The following RANBP2 variants were observed in gnomAD, a reference collection of about 807,000 sequenced individuals.
RANBP2 encodes the protein RAN binding protein 2.
A neutral mutation model predicts 303.6 loss-of-function variants in RANBP2; 57 were observed. The observed-to-expected ratio is 0.19, with a 90% CI of 0.15 to 0.23. The LOEUF (loss-of-function observed/expected upper bound fraction) is 0.23, where lower values mean the gene tolerates loss of function less well. Among genes scored for constraint, RANBP2 ranks in the 10% least tolerant of loss-of-function variants. The pLI, the probability that RANBP2 is intolerant of heterozygous loss-of-function variation, is 1.00. For missense variants in RANBP2, 3,138 were observed against 3,780.8 expected, an observed-to-expected ratio of 0.83 and a Z score of 4.46; for synonymous variants, 1,167 against 1,301.5, an observed-to-expected ratio of 0.90 and a Z score of 2.23.
At chr2:109,326,359 C>CT in the RANBP2 span, among the ~76,000 whole-genome samples, 15 of 150,808 alleles carry the variant, frequency 9.9e-5, no homozygotes, top group South Asian at 8.4e-4. Context: ...TGTTGTTGTT[C>CT]TTTTTTTTTA....
At chr2:109,644,568 A>G in the RANBP2 span, among the ~76,000 whole-genome samples, 1 of 152,332 alleles carries the variant, frequency 6.6e-6, no homozygotes, top group South Asian at 2.1e-4. Flanking sequence ...TGTCTGCAAA[A>G]TAGCTCCAAG....
the RANBP2 span, among the ~76,000 whole-genome samples, chr2:109,468,746 C>G: frequency 3.3e-5 from 5 of 149,892 alleles, no homozygotes; most frequent in Non-Finnish European, 7.4e-5. Flanking sequence ...CCCAGCTACT[C>G]AGGAGGCTGA....
the RANBP2 span, among the ~76,000 whole-genome samples, chr2:109,508,917 C>T: frequency 1.4e-4 from 21 of 152,332 alleles, no homozygotes; most frequent in African/African-American, 4.1e-4. Context: ...GCTACAAGCC[C>T]GGGACGGGGG....
chr2:109,486,894 G>A, the RANBP2 span, among the ~76,000 whole-genome samples: 1 of 152,208 alleles, frequency 6.6e-6, no homozygotes, highest in Non-Finnish European at 1.5e-5. Flanking sequence ...ATGTTTCAGA[G>A]CAAACGAGAC....
the RANBP2 span, among the ~76,000 whole-genome samples, chr2:108,798,816 TACACACACACACACACAC>T: frequency 3.8e-5 from 5 of 131,640 alleles, no homozygotes; most frequent in African/African-American, 1.1e-4. Flanking sequence ...TCTCCACACC[TACACACACACACACACAC>T]ACACACACAC....
At chr2:109,542,356 G>A in the RANBP2 span, among the ~76,000 whole-genome samples, 4 of 152,134 alleles carry the variant, frequency 2.6e-5, no homozygotes, top group Non-Finnish European at 4.4e-5. Context: ...AGTACAAAAC[G>A]ACCGCCCTGC....
chr2:109,170,279 CTTCTCTTCTCTTCTCT>C, the RANBP2 span, among the ~76,000 whole-genome samples: 1 of 124,886 alleles, frequency 8.0e-6, no homozygotes, highest in Non-Finnish European at 1.7e-5. Flanking sequence ...CTTCTCTTCT[CTTCTCTTCTCTTCTCT>C]TCTCTTCTCT....
intron 25 of RANBP2, among the ~76,000 whole-genome samples, chr2:108,779,290 T>TAG (rs1375277139): frequency 6.6e-6 from 1 of 152,108 alleles, no homozygotes; most frequent in Non-Finnish European, 1.5e-5. Flanking sequence ...GCCTCCTGAG[T>TAG]AGCTGGGATT....
At chr2:109,271,817 A>G in the RANBP2 span, among the ~76,000 whole-genome samples, 1 of 152,254 alleles carries the variant, frequency 6.6e-6, no homozygotes, top group Non-Finnish European at 1.5e-5. Flanking sequence ...AAAATGCTGT[A>G]CAAATCTGAA....
At chr2:108,973,659 G>A in the RANBP2 span, among the ~76,000 whole-genome samples, 1 of 152,190 alleles carries the variant, frequency 6.6e-6, no homozygotes, top group African/African-American at 2.4e-5. Context: ...CAGGGGTCGT[G>A]TGTCCTAGAA....
At chr2:109,490,981 C>T in the RANBP2 span, 2 of 1,401,614 alleles carry the variant, frequency 1.4e-6, no homozygotes, top group African/African-American at 2.9e-5. Context: ...TGTGGTTTGG[C>T]CTCTGAGGTC....
chr2:109,333,758 C>T, the RANBP2 span, among the ~76,000 whole-genome samples: 1 of 152,154 alleles, frequency 6.6e-6, no homozygotes, highest in East Asian at 1.9e-4. Flanking sequence ...GCAGCATGAC[C>T]TTGAACATGT....
rs753871694 is a variant in RANBP2, at chr2:108,768,139, G to T, written c.7600G>T (p.Ala2534Ser). The T allele has an allele frequency of 1.9e-6, 3 of 1,611,908 alleles. No homozygotes were observed. The highest frequency in any genetic ancestry group is 2.2e-4 in the Middle Eastern group (1 of 4,452). ...IFSSEKSKPF[A>S]FGNSSATGSL... ...TAGTAGTGAAAAATCAAAACCATTT[G>T]CATTCGGCAACAGTTCAGCCACTGG... The change falls in exon 20 of 29, where the codon GCA (alanine) becomes TCA (serine). Residue 2534 changes from alanine to serine, a missense_variant. Transcript: ENST00000283195.
intron 22 of RANBP2, 141 bp from the exon 23 acceptor site, chr2:108,772,727 C>G: frequency 8.2e-7 from 1 of 1,215,710 alleles, no homozygotes; most frequent in Non-Finnish European, 1.2e-6. Context: ...TGAAAATATT[C>G]TTTTCTGGGT....
the RANBP2 span, among the ~76,000 whole-genome samples, chr2:109,435,175 C>A: frequency 6.6e-6 from 1 of 152,202 alleles, no homozygotes; most frequent in Non-Finnish European, 1.5e-5. Context: ...AGGAACTGCG[C>A]CCGGGTCGGC....
the RANBP2 span, among the ~76,000 whole-genome samples, chr2:109,211,108 C>A: frequency 1.3e-5 from 2 of 152,134 alleles, no homozygotes; most frequent in Non-Finnish European, 2.9e-5. Flanking sequence ...TTATGTGTGT[C>A]TATGGGGCCT....
the RANBP2 span, among the ~76,000 whole-genome samples, chr2:109,102,145 G>C: frequency 6.6e-6 from 1 of 151,682 alleles, no homozygotes; most frequent in Admixed American, 6.6e-5. Context: ...CTGTCGCCCA[G>C]GCTGGACTGC....
At chr2:109,615,965 G>A in the RANBP2 span, 3 of 1,580,232 alleles carry the variant, frequency 1.9e-6, no homozygotes, top group Non-Finnish European at 2.6e-6. Flanking sequence ...GGGACCCAGA[G>A]CAGCCGCTGG....
chr2:108,932,549 A>T, the RANBP2 span, among the ~76,000 whole-genome samples: 1 of 151,128 alleles, frequency 6.6e-6, no homozygotes. Flanking sequence ...AAAAAAAAAA[A>T]AAAGAAAGAA....
Sources: allele counts gnomAD v4.1 joint callset (sites outside exome capture counted in the v4.1 genomes callset), GRCh38; gene constraint gnomAD v4.1.1; transcripts MANE v1.5; gene names NCBI Gene and HGNC (gene_info 2026-07-23, HGNC 2026-07-21).